ZSWIM5: variants seen among roughly 807,000 people sequenced by gnomAD.
ZSWIM5 encodes zinc finger SWIM-type containing 5.
A neutral mutation model predicts 119.6 loss-of-function variants in ZSWIM5; 55 were observed. The ratio of observed to expected loss-of-function variants is 0.46; its 90% confidence interval spans 0.37 to 0.58. ZSWIM5 has a LOEUF of 0.58. Among genes scored for constraint, ZSWIM5 ranks in the 20% least tolerant of loss-of-function variants. ZSWIM5 has a pLI of 0.00. For missense variants in ZSWIM5, 1,193 were observed against 1,512.8 expected (o/e 0.79, Z 3.51); for synonymous variants, 537 against 606.9 (o/e 0.88, Z 1.69).
At chr1:45,189,364 C>T (rs1646077846) in intron 1 of ZSWIM5, among the ~76,000 whole-genome samples, 4 of 152,028 alleles carry the variant, frequency 2.6e-5, no homozygotes, top group Admixed American at 2.6e-4. Context: ...GGACAACACA[C>T]AAAGTAATAA....
intron 11 of ZSWIM5, among the ~76,000 whole-genome samples, chr1:45,033,301 T>G (rs1035095651): frequency 3.9e-5 from 6 of 152,204 alleles, no homozygotes; most frequent in Admixed American, 6.5e-5. Context: ...TGCTGATCAT[T>G]TTTATATTAA....
intron 4 of ZSWIM5, among the ~76,000 whole-genome samples, chr1:45,053,754 C>A (rs2148998236): frequency 1.1e-5 from 1 of 93,356 alleles, no homozygotes; most frequent in Admixed American, 1.4e-4. Context: ...CAGAGCGAGA[C>A]TCTGTTTCAA....
chr1:45,034,618 CA>C, intron 10 of ZSWIM5, 149 bp from the exon 11 acceptor site: 1 of 885,202 alleles, frequency 1.1e-6, no homozygotes, highest in South Asian at 2.0e-5. Flanking sequence ...TGGTACTATA[CA>C]CTATATGAGG....
Position 45,051,123 on chromosome 1 carries a change from C to T in ZSWIM5, c.1383G>A (p.Glu461=), listed in dbSNP as rs775692068. Residue 461 remains glutamate (E), a synonymous_variant, in exon 5 of 14, where the codon GAG becomes GAA. Transcript: ENST00000359600. ...GAAGTGCATTGGTGATGTTGGGCAG[C>T]TCATGTCCATAGTTTCCATCCTCCA... ...CPLEDGNYGH[E]LPNITNALPQ... 2.5e-6 allele frequency: 4 copies of T among 1,614,058 alleles called. No homozygotes were observed. The highest frequency in any genetic ancestry group is 1.6e-4 in the Middle Eastern group (1 of 6,082).
At chr1:45,183,145 A>G (rs1646033315) in intron 1 of ZSWIM5, among the ~76,000 whole-genome samples, 1 of 152,092 alleles carries the variant, frequency 6.6e-6, no homozygotes, top group Admixed American at 6.6e-5. Context: ...CTCCTGAATG[A>G]CTACTGGGTA....
chr1:45,128,370 T>C (rs748749652), intron 1 of ZSWIM5, among the ~76,000 whole-genome samples: 1 of 152,070 alleles, frequency 6.6e-6, no homozygotes, highest in Non-Finnish European at 1.5e-5. Flanking sequence ...TTTTTGTTTG[T>C]TTAATTTTTG....
At chr1:45,066,857 T>C (rs906285233) in intron 2 of ZSWIM5, among the ~76,000 whole-genome samples, 13 of 152,238 alleles carry the variant, frequency 8.5e-5, no homozygotes, top group African/African-American at 3.1e-4. Flanking sequence ...TTTGATTTAA[T>C]AGGGAGAAGT....
At chr1:45,094,432 C>T (rs957112208) in intron 1 of ZSWIM5, among the ~76,000 whole-genome samples, 1 of 152,036 alleles carries the variant, frequency 6.6e-6, no homozygotes, top group Non-Finnish European at 1.5e-5. Context: ...CTCTGGGGCT[C>T]AGAAGCTTGG....
At chr1:45,149,823 G>A (rs886793871) in intron 1 of ZSWIM5, among the ~76,000 whole-genome samples, 3 of 151,832 alleles carry the variant, frequency 2.0e-5, no homozygotes, top group Non-Finnish European at 2.9e-5. Flanking sequence ...TATAAATTAC[G>A]TTGAAACAAA....
chr1:45,048,236 C>T (rs1645069342), intron 5 of ZSWIM5, among the ~76,000 whole-genome samples: 1 of 151,836 alleles, frequency 6.6e-6, no homozygotes, highest in South Asian at 2.1e-4. Flanking sequence ...GACAGGATTT[C>T]ACCATGTTGC....
At chr1:45,056,189 A>G (rs1359496643) in intron 4 of ZSWIM5, among the ~76,000 whole-genome samples, 1 of 152,188 alleles carries the variant, frequency 6.6e-6, no homozygotes, top group Non-Finnish European at 1.5e-5. Flanking sequence ...GAGTGACCAC[A>G]GATAATTTTT....
In ZSWIM5 at chr1:45,076,329, G is replaced by T. The variant is rs368860333; in HGVS notation, c.952+11552C>A. Among the ~76,000 whole-genome samples, 3 of 151,868 alleles carry T rather than the reference G, an allele frequency of 2.0e-5. No homozygotes were observed. In the East Asian group the frequency reaches 5.8e-4, roughly 29 times the overall value. The stretch of plus-strand genomic sequence containing the variant: ...GTGTTGATGAAAACCCTCAGTTTTT[G>T]TTTGTCTGGGAAAGTCTTTATTTCT... On this transcript the variant is annotated intron_variant, in intron 2 of 13. Coordinates refer to ENST00000359600, the MANE Select transcript of ZSWIM5 (RefSeq NM_020883.2).
At chr1:45,160,366 C>T (rs981339356) in intron 1 of ZSWIM5, among the ~76,000 whole-genome samples, 6 of 152,140 alleles carry the variant, frequency 3.9e-5, no homozygotes, top group African/African-American at 1.4e-4. Flanking sequence ...CTATCATCAC[C>T]CCACTCTGCT....
chr1:45,115,633 G>C (rs1288411968), intron 1 of ZSWIM5, among the ~76,000 whole-genome samples: 1 of 150,734 alleles, frequency 6.6e-6, no homozygotes, highest in African/African-American at 2.5e-5. Context: ...GCCGGGAAGA[G>C]GCGCTCCTCA....
At chr1:45,075,504 G>T (rs946724331) in intron 2 of ZSWIM5, among the ~76,000 whole-genome samples, 4 of 151,896 alleles carry the variant, frequency 2.6e-5, no homozygotes, top group African/African-American at 9.7e-5. Flanking sequence ...AATCTATTTT[G>T]TCTGATAAAA....
At chr1:45,102,563 A>G (rs182467401) in intron 1 of ZSWIM5, among the ~76,000 whole-genome samples, 2 of 152,312 alleles carry the variant, frequency 1.3e-5, no homozygotes, top group Admixed American at 6.5e-5. Context: ...GGAGTTATGT[A>G]TATCTTTTTC....
chr1:45,033,889 G>A (rs1644966669), intron 11 of ZSWIM5, among the ~76,000 whole-genome samples: 1 of 151,188 alleles, frequency 6.6e-6, no homozygotes, highest in African/African-American at 2.4e-5. Context: ...TTGAGACGGA[G>A]TCTTGCTCTG....
intron 1 of ZSWIM5, among the ~76,000 whole-genome samples, chr1:45,093,095 A>G (rs1224807707): frequency 3.3e-5 from 5 of 152,238 alleles, no homozygotes; most frequent in Non-Finnish European, 2.9e-5. Context: ...GAAGTGACAA[A>G]GCCAGGATTC....
intron 1 of ZSWIM5, among the ~76,000 whole-genome samples, chr1:45,119,199 A>G (rs1645576818): frequency 6.6e-6 from 1 of 152,076 alleles, no homozygotes; most frequent in Admixed American, 6.5e-5. Context: ...TGGGCTTAAG[A>G]CCATTTTTTT....
Sources: gnomAD v4.1 joint callset for allele counts (sites outside exome capture counted in the v4.1 genomes callset) on GRCh38, gnomAD v4.1.1 for gene constraint, MANE v1.5 for transcripts, NCBI Gene and HGNC (gene_info 2026-07-23, HGNC 2026-07-21) for gene names.